FAM83G: variants seen among roughly 807,000 people sequenced by gnomAD.
The protein encoded by FAM83G is scaffolding CK1 anchoring protein G.
In FAM83G, 38 loss-of-function variants were observed where a neutral mutation model predicts 61.5. That is an observed-to-expected ratio of 0.62 (90% CI 0.48 to 0.81). The LOEUF (loss-of-function observed/expected upper bound fraction) is 0.81, where lower values mean the gene tolerates loss of function less well. FAM83G is among the 30% of genes least tolerant of loss of function. FAM83G has a pLI of 0.00. For missense variants in FAM83G, 989 were observed against 1,133.6 expected (o/e 0.87, Z 1.83); for synonymous variants, 470 against 476.1 (o/e 0.99, Z 0.17).
intron 5 of FAM83G, among the ~76,000 whole-genome samples, chr17:18,973,472 A>G (rs2042905264): frequency 6.6e-6 from 1 of 152,004 alleles, no homozygotes; most frequent in Non-Finnish European, 1.5e-5. Context: ...CCCATCCTCT[A>G]CCCCTTGGGC....
At chr17:18,984,308 G>A (rs1233624875) in intron 3 of FAM83G, among the ~76,000 whole-genome samples, 1 of 149,510 alleles carries the variant, frequency 6.7e-6, no homozygotes, top group Non-Finnish European at 1.5e-5. Context: ...AGTCCAGCCT[G>A]GGCGACAGAG....
chr17:18,985,536 C>T (rs2043248239), intron 3 of FAM83G, among the ~76,000 whole-genome samples: 4 of 152,166 alleles, frequency 2.6e-5, no homozygotes, highest in South Asian at 2.1e-4. Context: ...AAAGGAAGTG[C>T]TCCCGGGACA....
intron 2 of FAM83G, among the ~76,000 whole-genome samples, chr17:18,994,926 AT>A (rs2043525281): frequency 6.6e-6 from 1 of 152,214 alleles, no homozygotes; most frequent in South Asian, 2.1e-4. Context: ...GGGGTCCATA[AT>A]TTGCAACTCC....
At chr17:18,993,422 A>G (rs2043481213) in intron 2 of FAM83G, among the ~76,000 whole-genome samples, 1 of 152,188 alleles carries the variant, frequency 6.6e-6, no homozygotes, top group Non-Finnish European at 1.5e-5. Flanking sequence ...ACTGAGTCGC[A>G]AGACTCGGGT....
intron 5 of FAM83G, among the ~76,000 whole-genome samples, chr17:18,974,425 C>G (rs561670465): frequency 6.6e-6 from 1 of 152,248 alleles, no homozygotes; most frequent in Admixed American, 6.5e-5. Context: ...TCTGGGCTCC[C>G]GTCTGGGCTA....
rs536717658 is a variant in FAM83G, at chr17:19,002,250, T to C, written c.522+1270A>G. Among the ~76,000 whole-genome samples the C allele has an allele frequency of 2.6e-5, 4 of 152,352 alleles. No individual in the cohort carries two copies. The South Asian group carries it at 8.3e-4, about 32-fold the overall frequency. On this transcript the variant is annotated intron_variant, in intron 2 of 5. Coordinates refer to ENST00000388995, the MANE Select transcript of FAM83G (RefSeq NM_001039999.3). ...GATCAGAAACCCGAAGCCTCAAAGCTGCCCAGGGTCAGTCAGTGAATTGAG... is the reference window on the plus strand; with the variant it reads ...GATCAGAAACCCGAAGCCTCAAAGCCGCCCAGGGTCAGTCAGTGAATTGAG...
At chr17:18,978,888 C>A (rs1467852593) in intron 4 of FAM83G, 38 bp from the exon 5 acceptor site, 1 of 1,601,728 alleles carries the variant, frequency 6.2e-7, no homozygotes, top group Middle Eastern at 1.7e-4. Context: ...AGGCACATGA[C>A]CCTGCTTCCT....
chr17:18,998,076 C>T (rs1396586740), intron 2 of FAM83G, among the ~76,000 whole-genome samples: 1 of 152,236 alleles, frequency 6.6e-6, no homozygotes. Context: ...CCCACCACCC[C>T]ACATGGCATT....
At chr17:18,995,909 A>AT (rs2043558288) in intron 2 of FAM83G, among the ~76,000 whole-genome samples, 1 of 143,850 alleles carries the variant, frequency 7.0e-6, no homozygotes, top group East Asian at 2.1e-4. Flanking sequence ...CTCTGTCTCA[A>AT]TTAAAAAAAA....
At chr17:18,999,192 C>T (rs183810491) in intron 2 of FAM83G, among the ~76,000 whole-genome samples, 1 of 152,028 alleles carries the variant, frequency 6.6e-6, no homozygotes, top group African/African-American at 2.4e-5. Flanking sequence ...GCAGGAGAAT[C>T]GCTTGAACCC....
At position 18,996,586 on chromosome 17, in the gene FAM83G, G is replaced by A. The variant is rs771410158; in HGVS notation, c.522+6934C>T. 3.3e-5 allele frequency among the ~76,000 whole-genome samples: 5 copies of A among 152,074 alleles called. No individual in the cohort carries two copies. The highest frequency in any genetic ancestry group is 7.4e-5 in the Non-Finnish European group (5 of 68,002). ...CATCTTGCCTCCCAGGGTAAAGGGA[G>A]TCTGTGTACTTGGTAACAAATGCTG... On this transcript the variant is annotated intron_variant, in intron 2 of 5. Coordinates refer to ENST00000388995, the MANE Select transcript of FAM83G (RefSeq NM_001039999.3). The surrounding 1 kb of genome is among the most constrained non-coding windows in gnomAD (Gnocchi z 4.4).
Position 18,996,014 on chromosome 17 carries a change from G to C in FAM83G, c.522+7506C>G, listed in dbSNP as rs537090157. On this transcript the variant is annotated intron_variant, in intron 2 of 5. Coordinates refer to ENST00000388995, the MANE Select transcript of FAM83G (RefSeq NM_001039999.3). This position sits in a 1 kb window ranked among gnomAD's most constrained non-coding sequence, Gnocchi z 4.4. Reference sequence around the variant, plus strand: ...AATCACTTAAAGTCAGTAACAAAGAGAGCGTTAAAAACAACCAGAAGAGAA... The same window carrying C: ...AATCACTTAAAGTCAGTAACAAAGACAGCGTTAAAAACAACCAGAAGAGAA... Among the ~76,000 whole-genome samples, 2 of 151,264 alleles carry C rather than the reference G, an allele frequency of 1.3e-5. No individual in the cohort carries two copies. The highest frequency in any genetic ancestry group is 4.2e-4 in the South Asian group (2 of 4,782).
intron 4 of FAM83G, chr17:18,979,305 G>A: frequency 3.6e-6 from 2 of 558,426 alleles, no homozygotes; most frequent in South Asian, 2.2e-5. Flanking sequence ...CGAAGGCACG[G>A]CCTGGCCACA....
chr17:18,976,836 C>T (rs1388670424), intron 5 of FAM83G: 1 of 1,612,412 alleles, frequency 6.2e-7, no homozygotes, highest in South Asian at 1.1e-5. Context: ...CTCACCCCGT[C>T]TCGCACTCCA....
Position 18,971,114 on chromosome 17 carries a change from G to T in FAM83G, c.*245C>A. On this transcript the variant is annotated 3_prime_UTR_variant, in exon 6 of 6. Transcript: ENST00000388995. This position sits in a 1 kb window ranked among gnomAD's most constrained non-coding sequence, Gnocchi z 5.5. ...CACCACCTGCCACCTGCCACGTACA[G>T]ACGCCATGCACATGTTTCGAGACCC... The T allele has an allele frequency of 6.2e-7, 1 of 1,614,124 alleles. No individual in the cohort carries two copies. The highest frequency in any genetic ancestry group is 8.5e-7 in the Non-Finnish European group (1 of 1,180,034).
chr17:18,994,681 A>AG lies in FAM83G; in HGVS notation c.523-6268dup, dbSNP rs199686910. Among the ~76,000 whole-genome samples, 650 of 152,246 alleles carry AG rather than the reference A, an allele frequency of 4.3e-3. 1 individual carries two copies. The highest frequency in any genetic ancestry group is 0.015 in the African/African-American group (628 of 41,512). ...ACCCCTCCTAACACACAGGTCCTGC[A>AG]GGGGGTGTCCTCAGAAGGATACTGC... On this transcript the variant is annotated intron_variant, in intron 2 of 5. Coordinates refer to ENST00000388995, the MANE Select transcript of FAM83G (RefSeq NM_001039999.3).
At chr17:18,989,888 G>C (rs937962356) in intron 2 of FAM83G, among the ~76,000 whole-genome samples, 1 of 152,192 alleles carries the variant, frequency 6.6e-6, no homozygotes, top group Admixed American at 6.5e-5. Flanking sequence ...GTCAGGTCAG[G>C]GTTGGTCTCC....
At chr17:18,977,045 C>A in intron 5 of FAM83G, 1 of 1,596,990 alleles carries the variant, frequency 6.3e-7, no homozygotes, top group Non-Finnish European at 8.5e-7. Flanking sequence ...GGTTCTGGGA[C>A]CTTGTCCTGC....
intron 5 of FAM83G, 104 bp downstream of exon 5, chr17:18,977,480 C>A: frequency 1.7e-6 from 2 of 1,166,608 alleles, no homozygotes; most frequent in Non-Finnish European, 2.4e-6. Flanking sequence ...GAATTGAAGT[C>A]ATCAGAGTCA....
Sources: allele counts gnomAD v4.1 joint callset (sites outside exome capture counted in the v4.1 genomes callset), GRCh38; gene constraint gnomAD v4.1.1; non-coding constraint Gnocchi (gnomAD v3.1); transcripts MANE v1.5; gene names NCBI Gene and HGNC (gene_info 2026-07-23, HGNC 2026-07-21).